Variants in CHL1 observed in about 807,000 individuals in gnomAD.
CHL1 encodes cell adhesion molecule L1 like, also known as neural cell adhesion molecule L1-like protein.
Under a neutral mutation model 141.9 loss-of-function variants are expected in CHL1, and 96 were observed. The ratio of observed to expected loss-of-function variants is 0.68; its 90% CI spans 0.57 to 0.80. CHL1 has a LOEUF of 0.80. Ranked by LOEUF, CHL1 falls within the 30% of genes least tolerant of loss-of-function variation. The pLI, the probability that CHL1 is intolerant of heterozygous loss-of-function variation, is 0.00. For synonymous variants in CHL1, 613 were observed against 502.2 expected (o/e 1.22, Z -2.95); for missense variants, 1,820 against 1,457.2 (o/e 1.25, Z -4.05).
At chr3:283,690 G>A (rs1462684496) in intron 2 of CHL1, among the ~76,000 whole-genome samples, 1 of 152,048 alleles carries the variant, frequency 6.6e-6, no homozygotes, top group Non-Finnish European at 1.5e-5. Context: ...TCATTGTGTG[G>A]GTAACTACCC....
At chr3:219,306 T>C (rs952299912) in intron 1 of CHL1, among the ~76,000 whole-genome samples, 9 of 152,176 alleles carry the variant, frequency 5.9e-5, no homozygotes, top group African/African-American at 2.2e-4. Flanking sequence ...CATTCAATCC[T>C]GCAATCCCAT....
intron 9 of CHL1, 137 bp downstream of exon 9, chr3:344,846 C>A: frequency 1.2e-6 from 1 of 812,734 alleles, no homozygotes; most frequent in East Asian, 2.9e-5. Context: ...CCGGGCACTG[C>A]AGATATTCTG....
intron 26 of CHL1, among the ~76,000 whole-genome samples, chr3:400,266 A>G (rs904805731): frequency 1.3e-5 from 2 of 152,224 alleles, no homozygotes; most frequent in African/African-American, 4.8e-5. Context: ...TTTTTGTAAA[A>G]TGACATGCAT....
intron 2 of CHL1, among the ~76,000 whole-genome samples, chr3:298,145 T>C (rs955945649): frequency 2.6e-5 from 4 of 152,202 alleles, no homozygotes; most frequent in Non-Finnish European, 5.9e-5. Context: ...TGTGGGTATA[T>C]CCAACGAGAT....
Position 296,905 on chromosome 3 carries a change from G to A in CHL1, c.-94-22778G>A, listed in dbSNP as rs17021443. 4.5e-3 allele frequency among the ~76,000 whole-genome samples: 681 copies of A among 152,288 alleles called. 11 individuals carry two copies. Among genetic ancestry groups the A allele is most frequent in the African/African-American group, 0.016 (649 of 41,558 alleles). ...ACTACATAGTGAAGTCAGGGAGACA[G>A]ATTAGAGAGATAGGAAGAGTGGGAG... is the stretch of plus-strand genomic sequence containing the variant. On this transcript the variant is annotated intron_variant, in intron 2 of 27. Coordinates refer to ENST00000256509, the MANE Select transcript of CHL1 (RefSeq NM_006614.4).
chr3:305,803 C>G (rs1398051808), intron 2 of CHL1, among the ~76,000 whole-genome samples: 2 of 151,756 alleles, frequency 1.3e-5, no homozygotes, highest in African/African-American at 2.4e-5. Context: ...CAAATTTTTA[C>G]TGAATACGTT....
At chr3:320,900 T>G (rs982585985) in intron 3 of CHL1, among the ~76,000 whole-genome samples, 2 of 152,046 alleles carry the variant, frequency 1.3e-5, no homozygotes, top group South Asian at 2.1e-4. Context: ...TTTGGAGGGT[T>G]ATTATATTAG....
At chr3:327,504 C>T (rs138270278) in intron 4 of CHL1, among the ~76,000 whole-genome samples, 94 of 151,712 alleles carry the variant, frequency 6.2e-4, no homozygotes, top group African/African-American at 1.8e-3. Flanking sequence ...AATCTTATTT[C>T]TAAGGAACTG....
chr3:317,616 A>G (rs771229698), intron 2 of CHL1, among the ~76,000 whole-genome samples: 2 of 151,582 alleles, frequency 1.3e-5, no homozygotes, highest in Non-Finnish European at 3.0e-5. Flanking sequence ...GATATATAAT[A>G]AACAATGACT....
At chr3:322,194 A>C (rs1164665747) in intron 3 of CHL1, among the ~76,000 whole-genome samples, 1 of 152,058 alleles carries the variant, frequency 6.6e-6, no homozygotes, top group Non-Finnish European at 1.5e-5. Context: ...AAATACAGAC[A>C]TTTTGCATGT....
chr3:198,842 A>G (rs1698655398), intron 1 of CHL1, among the ~76,000 whole-genome samples: 1 of 152,140 alleles, frequency 6.6e-6, no homozygotes, highest in African/African-American at 2.4e-5. Flanking sequence ...GCACAGTCCA[A>G]CTCCTACGAA....
intron 10 of CHL1, among the ~76,000 whole-genome samples, chr3:351,630 T>G (rs573622065): frequency 4.9e-4 from 75 of 152,276 alleles, no homozygotes; most frequent in Non-Finnish European, 7.5e-4. Flanking sequence ...GCAATGCTAT[T>G]GTATATTTTG....
At position 250,361 on chromosome 3, in the gene CHL1, G is replaced by A. The variant is rs113622022; in HGVS notation, c.-95+5669G>A. 5.7e-3 allele frequency among the ~76,000 whole-genome samples: 867 copies of A among 152,240 alleles called. 9 individuals carry two copies. Among genetic ancestry groups the A allele is most frequent in the African/African-American group, 0.02 (828 of 41,536 alleles). On this transcript the variant is annotated intron_variant, in intron 2 of 27. Transcript: ENST00000256509. ...GGTTTGTATACTATTTTAACTAAGG[G>A]TGATAAATTGTGTAGAAGTGACAAG...
intron 2 of CHL1, among the ~76,000 whole-genome samples, chr3:257,381 T>A (rs1164489820): frequency 6.9e-6 from 1 of 145,742 alleles, no homozygotes; most frequent in Non-Finnish European, 1.5e-5. Context: ...TGAGACAGAG[T>A]CTCTCTCTGT....
chr3:289,413 G>C (rs1183093585), intron 2 of CHL1, among the ~76,000 whole-genome samples: 1 of 149,268 alleles, frequency 6.7e-6, no homozygotes, highest in Non-Finnish European at 1.5e-5. Context: ...AAGTAATTGT[G>C]GTTTTTGCCA....
chr3:290,917 T>G (rs868240759), intron 2 of CHL1, among the ~76,000 whole-genome samples: 2 of 136,840 alleles, frequency 1.5e-5, no homozygotes, highest in Non-Finnish European at 3.1e-5. Context: ...GCTTGGGCAA[T>G]AGAATGAGAC....
chr3:263,695 G>T (rs1389919070), intron 2 of CHL1, among the ~76,000 whole-genome samples: 3 of 152,080 alleles, frequency 2.0e-5, no homozygotes, highest in Non-Finnish European at 2.9e-5. Flanking sequence ...TTAAATTTTT[G>T]ATTTGTGCAT....
At chr3:310,401 G>A (rs1451648722) in intron 2 of CHL1, among the ~76,000 whole-genome samples, 1 of 152,152 alleles carries the variant, frequency 6.6e-6, no homozygotes, top group Non-Finnish European at 1.5e-5. Flanking sequence ...TTATCAGTCT[G>A]CTGTGATTTT....
At chr3:362,487 T>C (rs187258112) in intron 13 of CHL1, among the ~76,000 whole-genome samples, 1 of 152,292 alleles carries the variant, frequency 6.6e-6, no homozygotes, top group East Asian at 1.9e-4. Context: ...AAATACTAGA[T>C]TGAAATATTA....
Sources: allele counts gnomAD v4.1 joint callset (sites outside exome capture counted in the v4.1 genomes callset), GRCh38; gene constraint gnomAD v4.1.1; transcripts MANE v1.5; gene names NCBI Gene and HGNC (gene_info 2026-07-23, HGNC 2026-07-21).